Variants in WASL observed in about 807,000 individuals in gnomAD.
The protein encoded by WASL is actin nucleation-promoting factor WASL.
Under a neutral mutation model 55.5 loss-of-function variants are expected in WASL, and 20 were observed. The ratio of observed to expected loss-of-function variants is 0.36; its 90% CI spans 0.25 to 0.52. The LOEUF (loss-of-function observed/expected upper bound fraction) is 0.52. Ranked by LOEUF, WASL falls within the 20% of genes least tolerant of loss-of-function variation. The pLI, the probability that WASL is intolerant of heterozygous loss-of-function variation, is 0.92. For missense variants in WASL, 504 were observed against 622.5 expected, an observed-to-expected ratio of 0.81 and a Z score of 2.03; for synonymous variants, 249 against 217.6, an observed-to-expected ratio of 1.14 and a Z score of -1.27.
chr7:123,714,433 A>T (rs1803806032), intron 1 of WASL, among the ~76,000 whole-genome samples: 1 of 152,204 alleles, frequency 6.6e-6, no homozygotes, highest in Non-Finnish European at 1.5e-5. Flanking sequence ...ATAAATTTCT[A>T]AAAAAGCAAA....
At chr7:123,711,443 A>G (rs1803756274) in intron 1 of WASL, among the ~76,000 whole-genome samples, 1 of 152,148 alleles carries the variant, frequency 6.6e-6, no homozygotes, top group African/African-American at 2.4e-5. Context: ...TTCAAAAGCA[A>G]TTTTCAGTAA....
chr7:123,729,850 A>G (rs773129619), intron 1 of WASL, among the ~76,000 whole-genome samples: 8 of 152,198 alleles, frequency 5.3e-5, no homozygotes, highest in Admixed American at 1.3e-4. Context: ...AAACTTTCTT[A>G]GGTCTTTCTC....
At chr7:123,721,892 T>C (rs1031219321) in intron 1 of WASL, among the ~76,000 whole-genome samples, 7 of 152,200 alleles carry the variant, frequency 4.6e-5, no homozygotes, top group Non-Finnish European at 8.8e-5. Context: ...ATAAATGTTC[T>C]CTATTTTTTA....
intron 9 of WASL, among the ~76,000 whole-genome samples, chr7:123,690,716 C>A (rs1414105587): frequency 6.6e-6 from 1 of 150,790 alleles, no homozygotes. Flanking sequence ...AATGAGGATA[C>A]AACTTTATTC....
At chr7:123,707,254 T>G (rs1803686181) in intron 2 of WASL, among the ~76,000 whole-genome samples, 2 of 152,222 alleles carry the variant, frequency 1.3e-5, no homozygotes, top group African/African-American at 4.8e-5. Flanking sequence ...ACTGCAGGAA[T>G]ACTTTATGTT....
At chr7:123,717,341 C>G (rs1482279047) in intron 1 of WASL, among the ~76,000 whole-genome samples, 1 of 152,210 alleles carries the variant, frequency 6.6e-6, no homozygotes, top group Non-Finnish European at 1.5e-5. Context: ...TTTGATTATT[C>G]TCCTTTGGGA....
At chr7:123,720,344 C>CAA (rs11377481) in intron 1 of WASL, 4,290 of 346,750 alleles carry the variant, frequency 0.012, 4 homozygotes, top group Admixed American at 0.022. Flanking sequence ...CATACAGCTG[C>CAA]AAAAAAAAAA....
chr7:123,692,852 G>C lies in WASL; in HGVS notation c.842C>G (p.Pro281Arg), dbSNP rs2116770354. 1.5e-6 allele frequency: 2 copies of C among 1,365,006 alleles called. No individual in the cohort carries two copies. The highest frequency in any genetic ancestry group is 5.0e-5 in the South Asian group (2 of 39,740). 84.6% of individuals were successfully genotyped at this position (1,365,006 alleles called of 1,614,324 possible). A position where few individuals can be genotyped will look rare whatever the true frequency, so the allele number is the denominator to read the frequency against. ...ELRRQAPPPPPPSRGGPPPPP... is the reference protein window; with the variant it reads ...ELRRQAPPPPRPSRGGPPPPP... ...AGGAGGTGGCCCTCCCCTTGATGGT[G>C]GTGGAGGTGGTGGTGCTGAAATGCA... Residue 281 changes from proline (P) to arginine (R), a missense_variant, in exon 9 of 11, where the codon CCA (proline) becomes CGA (arginine). Coordinates refer to ENST00000223023, the MANE Select transcript of WASL (RefSeq NM_003941.4).
intron 1 of WASL, among the ~76,000 whole-genome samples, chr7:123,740,864 G>A (rs1804329607): frequency 6.6e-6 from 1 of 152,164 alleles, no homozygotes; most frequent in Admixed American, 6.5e-5. Flanking sequence ...GCGATTAAAG[G>A]TGTGAACCAC....
intron 2 of WASL, among the ~76,000 whole-genome samples, chr7:123,708,571 G>C (rs1349664533): frequency 6.6e-6 from 1 of 152,082 alleles, no homozygotes; most frequent in Non-Finnish European, 1.5e-5. Context: ...ATGATTGGAA[G>C]GGAGGGATAT....
At chr7:123,733,417 CA>C (rs369755818) in intron 1 of WASL, among the ~76,000 whole-genome samples, 10 of 151,478 alleles carry the variant, frequency 6.6e-5, no homozygotes, top group Admixed American at 5.9e-4. Flanking sequence ...ATATTAGTAC[CA>C]AAAAAAATCT....
At chr7:123,739,660 G>T (rs1804295810) in intron 1 of WASL, among the ~76,000 whole-genome samples, 1 of 152,156 alleles carries the variant, frequency 6.6e-6, no homozygotes, top group Non-Finnish European at 1.5e-5. Context: ...TGTTTGGTGG[G>T]TTAGGTGTGT....
rs1024660275 is a variant in WASL, at chr7:123,683,014, A to C, written c.*1505T>G. On this transcript the variant is annotated 3_prime_UTR_variant, in exon 11 of 11. Coordinates refer to ENST00000223023, the MANE Select transcript of WASL (RefSeq NM_003941.4). Reference sequence around the variant, plus strand: ...ATGCATGATCACTAGAGATTATGTAATAAATGGTTAAAATTCAAGCCACAT... The same window carrying C: ...ATGCATGATCACTAGAGATTATGTACTAAATGGTTAAAATTCAAGCCACAT... The C allele has an allele frequency of 4.6e-5, 7 of 152,126 alleles. No homozygotes were observed. The highest frequency in any genetic ancestry group is 1.4e-4 in the African/African-American group (6 of 41,436). 9.4% of individuals were successfully genotyped at this position (152,126 alleles called of 1,614,324 possible). A position where few individuals can be genotyped will look rare whatever the true frequency, so the allele number is the denominator to read the frequency against.
intron 1 of WASL, 127 bp from the exon 2 acceptor site, chr7:123,709,350 G>C (rs1399169530): frequency 1.0e-5 from 7 of 671,130 alleles, no homozygotes; most frequent in Non-Finnish European, 1.1e-5. Flanking sequence ...CAGAAACAAG[G>C]AAATAATAAA....
intron 1 of WASL, among the ~76,000 whole-genome samples, chr7:123,734,515 A>G (rs1420230854): frequency 1.3e-5 from 2 of 150,886 alleles, no homozygotes; most frequent in East Asian, 3.9e-4. Flanking sequence ...AGAAACAGGG[A>G]GCCAGTCTAT....
intron 10 of WASL, among the ~76,000 whole-genome samples, chr7:123,687,630 T>C (rs1803314624): frequency 6.6e-6 from 1 of 152,170 alleles, no homozygotes; most frequent in Admixed American, 6.5e-5. Context: ...CTATTTCCCT[T>C]TTCTGTTAGA....
At position 123,692,422 on chromosome 7, in the gene WASL, C is replaced by G. The variant is rs1248381499; in HGVS notation, c.1272G>C (p.Gln424His). 1.5e-5 allele frequency: 24 copies of G among 1,613,986 alleles called. No homozygotes were observed. The highest frequency in any genetic ancestry group is 2.0e-5 in the Non-Finnish European group (24 of 1,180,022). Reference protein sequence around the residue: ...REGAQLKKVEQNSRPVSCSGR... With the variant: ...REGAQLKKVEHNSRPVSCSGR... ...CAGAGCAGGACACTGGCCGACTGTT[C>G]TGCTCCACTTTTTTTAGCTGAGCAC... Residue 424 changes from glutamine to histidine, a missense_variant, in exon 9 of 11, where the codon CAG becomes CAC. Gln to His is a conservative substitution (Grantham distance 24). Transcript: ENST00000223023.
chr7:123,703,484 T>G (rs1169645843), intron 5 of WASL, among the ~76,000 whole-genome samples: 2 of 152,176 alleles, frequency 1.3e-5, no homozygotes, highest in East Asian at 3.8e-4. Context: ...CTTTGATTAC[T>G]TCAATCCCCG....
At chr7:123,695,744 A>G (rs1244443152) in intron 7 of WASL, 79 bp downstream of exon 7, 3 of 1,449,014 alleles carry the variant, frequency 2.1e-6, no homozygotes, top group East Asian at 4.6e-5. Flanking sequence ...AACCACAAAA[A>G]TGAATTTAAA....
Sources: gnomAD v4.1 joint callset for allele counts (sites outside exome capture counted in the v4.1 genomes callset) on GRCh38, gnomAD v4.1.1 for gene constraint, MANE v1.5 for transcripts, NCBI Gene and HGNC (gene_info 2026-07-23, HGNC 2026-07-21) for gene names.